Variants in PTBP3 observed in about 807,000 individuals in gnomAD.
PTBP3 encodes polypyrimidine tract binding protein 3.
Under a neutral mutation model 58.7 loss-of-function variants are expected in PTBP3, and 20 were observed. That is an observed-to-expected ratio of 0.34 (90% confidence interval 0.24 to 0.50). PTBP3 has a LOEUF of 0.50. Among genes scored for constraint, PTBP3 ranks in the 20% least tolerant of loss-of-function variants. PTBP3 has a pLI of 0.98. For missense variants in PTBP3, 509 were observed against 637.2 expected, an observed-to-expected ratio of 0.80 and a Z score of 2.17; for synonymous variants, 185 against 219.8, an observed-to-expected ratio of 0.84 and a Z score of 1.40.
upstream of PTBP3, among the ~76,000 whole-genome samples, chr9:112,335,420 C>A (rs373246068): frequency 6.6e-6 from 1 of 151,062 alleles, no homozygotes; most frequent in Admixed American, 6.6e-5. Flanking sequence ...TGAGTAGCTG[C>A]GATTACAGGC....
At chr9:112,356,794 GCGCACACA>G in the PTBP3 span, among the ~76,000 whole-genome samples, 231 of 137,242 alleles carry the variant, frequency 1.7e-3, no homozygotes, top group African/African-American at 2.7e-3. Context: ...AATTGCGTGT[GCGCACACA>G]CACACACACA....
intron 3 of PTBP3, among the ~76,000 whole-genome samples, chr9:112,269,320 A>G (rs1827267660): frequency 6.6e-6 from 1 of 152,164 alleles, no homozygotes; most frequent in Non-Finnish European, 1.5e-5. Flanking sequence ...GAGAAAGAAA[A>G]AAACAGAGGA....
the PTBP3 span, among the ~76,000 whole-genome samples, chr9:112,342,160 A>G: frequency 6.6e-6 from 1 of 152,266 alleles, no homozygotes; most frequent in South Asian, 2.1e-4. Context: ...TAAGAACTCC[A>G]AGTTCTCCAG....
intron 12 of PTBP3, among the ~76,000 whole-genome samples, chr9:112,227,144 T>G (rs1030132964): frequency 6.6e-6 from 1 of 152,226 alleles, no homozygotes; most frequent in African/African-American, 2.4e-5. Context: ...TGCCTAGAAT[T>G]TTTTTTATGA....
intron 1 of PTBP3, among the ~76,000 whole-genome samples, chr9:112,303,723 G>A (rs955907181): frequency 6.6e-6 from 1 of 152,120 alleles, no homozygotes; most frequent in Non-Finnish European, 1.5e-5. Context: ...AATTAGCCAG[G>A]TGTGGTGGTG....
chr9:112,324,118 A>G (rs139148340), intron 1 of PTBP3, among the ~76,000 whole-genome samples: 119 of 152,232 alleles, frequency 7.8e-4, no homozygotes, highest in African/African-American at 2.7e-3. Context: ...TGAAATATTT[A>G]AAGAGTTTTT....
At chr9:112,317,773 C>CT (rs775087649) in intron 1 of PTBP3, among the ~76,000 whole-genome samples, 14 of 152,124 alleles carry the variant, frequency 9.2e-5, no homozygotes, top group Non-Finnish European at 1.8e-4. Flanking sequence ...ATGGTGAAAC[C>CT]TTGTCTCTAC....
In PTBP3 at chr9:112,221,965, A is replaced by G; in HGVS notation, c.*1886T>C. The G allele has an allele frequency of 1.1e-6, 1 of 926,156 alleles. No individual in the cohort carries two copies. Among genetic ancestry groups the G allele is most frequent in the Non-Finnish European group, 1.3e-6 (1 of 775,850 alleles). 57.4% of individuals were successfully genotyped at this position (926,156 alleles called of 1,614,324 possible). On this transcript the variant is annotated 3_prime_UTR_variant, in exon 14 of 14. Coordinates refer to ENST00000374257, the MANE Select transcript of PTBP3 (RefSeq NM_001163788.4). ...GTTCCAGGGCTGGAGTGAAGTGGCT[A>G]TTCACAAATGTGATCATAGCGCACT...
the PTBP3 span, among the ~76,000 whole-genome samples, chr9:112,345,611 C>T: frequency 6.6e-6 from 1 of 151,642 alleles, no homozygotes; most frequent in African/African-American, 2.4e-5. Flanking sequence ...GAACTCCAGA[C>T]CTCAAGCGAT....
the PTBP3 span, among the ~76,000 whole-genome samples, chr9:112,341,832 A>G: frequency 3.9e-5 from 6 of 152,146 alleles, no homozygotes; most frequent in South Asian, 8.3e-4. Flanking sequence ...CTAAATATCC[A>G]CATTTGGTTT....
chr9:112,241,208 A>G (rs762636733), intron 7 of PTBP3, among the ~76,000 whole-genome samples: 16 of 152,076 alleles, frequency 1.1e-4, no homozygotes, highest in Non-Finnish European at 1.6e-4. Context: ...GGTTCAAGCA[A>G]TTCTCCTGCC....
At chr9:112,261,361 A>G (rs1836587428) in intron 5 of PTBP3, among the ~76,000 whole-genome samples, 1 of 152,226 alleles carries the variant, frequency 6.6e-6, no homozygotes, top group Non-Finnish European at 1.5e-5. Context: ...TTTACTGAGA[A>G]ATGTGTCTGA....
At chr9:112,268,002 T>TAC (rs1268469026) in intron 4 of PTBP3, 47 bp downstream of exon 4, 1 of 1,534,442 alleles carries the variant, frequency 6.5e-7, no homozygotes, top group Non-Finnish European at 8.9e-7. Context: ...TAAGTTATCA[T>TAC]ACCATGTGTT....
intron 3 of PTBP3, among the ~76,000 whole-genome samples, chr9:112,271,461 C>T (rs1421245268): frequency 2.0e-5 from 3 of 152,162 alleles, no homozygotes; most frequent in African/African-American, 4.8e-5. Flanking sequence ...TGGCTCACGC[C>T]TATGATCCCA....
the PTBP3 span, among the ~76,000 whole-genome samples, chr9:112,342,845 G>T: frequency 2.9e-5 from 4 of 138,650 alleles, no homozygotes; most frequent in Admixed American, 2.3e-4. Flanking sequence ...ACCAAACAAT[G>T]ACATCACAGT....
the PTBP3 span, among the ~76,000 whole-genome samples, chr9:112,345,923 C>T: frequency 2.0e-5 from 3 of 151,744 alleles, no homozygotes; most frequent in Admixed American, 1.3e-4. Flanking sequence ...GGCATGATCT[C>T]GGCTCACTGT....
At chr9:112,312,210 T>C (rs1327720534) in intron 1 of PTBP3, among the ~76,000 whole-genome samples, 3 of 152,068 alleles carry the variant, frequency 2.0e-5, no homozygotes, top group Admixed American at 1.3e-4. Flanking sequence ...AAAATCACCT[T>C]AACCAAGTGA....
intron 1 of PTBP3, among the ~76,000 whole-genome samples, chr9:112,318,555 T>C (rs1197676374): frequency 6.6e-6 from 1 of 151,542 alleles, no homozygotes; most frequent in Non-Finnish European, 1.5e-5. Flanking sequence ...AGGTCAGGAG[T>C]TCAAGACCAG....
Position 112,222,762 on chromosome 9 carries a change from A to G in PTBP3, c.*1089T>C. On this transcript the variant is annotated 3_prime_UTR_variant, in exon 14 of 14. Coordinates refer to ENST00000374257, the MANE Select transcript of PTBP3 (RefSeq NM_001163788.4). ...TATAGCTTTCAAGATATTTAGATTA[A>G]ACTCTAACCTATTGTATCTTAAGCA... The G allele has an allele frequency of 1.0e-6, 1 of 958,544 alleles. No homozygotes were observed. The highest frequency in any genetic ancestry group is 1.2e-6 in the Non-Finnish European group (1 of 805,084). 59.4% of individuals were successfully genotyped at this position (958,544 alleles called of 1,614,324 possible). A position where few individuals can be genotyped will look rare whatever the true frequency, so the allele number is the denominator to read the frequency against.
Sources: gnomAD v4.1 joint callset for allele counts (sites outside exome capture counted in the v4.1 genomes callset) on GRCh38, gnomAD v4.1.1 for gene constraint, MANE v1.5 for transcripts, NCBI Gene and HGNC (gene_info 2026-07-23, HGNC 2026-07-21) for gene names.